The following RBL2 variants were observed in gnomAD, a reference collection of about 807,000 sequenced individuals.
RBL2 encodes retinoblastoma-like protein 2.
A neutral mutation model predicts 126.0 loss-of-function variants in RBL2; 56 were observed. The observed-to-expected ratio is 0.44, with a 90% CI of 0.36 to 0.56. RBL2 has a LOEUF of 0.56. Ranked by LOEUF, RBL2 falls within the 20% of genes least tolerant of loss-of-function variation. The pLI is 0.00. For missense variants in RBL2, 1,229 were observed against 1,398.2 expected (o/e 0.88, Z 1.93); for synonymous variants, 454 against 478.5 (o/e 0.95, Z 0.67).
intron 1 of RBL2, among the ~76,000 whole-genome samples, chr16:53,436,021 G>A (rs1014836599): frequency 6.6e-6 from 1 of 152,278 alleles, no homozygotes; most frequent in East Asian, 1.9e-4. Flanking sequence ...GGCACATAAA[G>A]CACCCATATG....
intron 14 of RBL2, among the ~76,000 whole-genome samples, chr16:53,468,946 T>TAA (rs981332673): frequency 4.6e-5 from 7 of 152,190 alleles, no homozygotes; most frequent in African/African-American, 1.4e-4. Context: ...GTTATATATA[T>TAA]AACCACAATT....
intron 10 of RBL2, among the ~76,000 whole-genome samples, 159 bp downstream of exon 10, chr16:53,462,009 C>T (rs920864571): frequency 1.3e-5 from 2 of 152,162 alleles, no homozygotes; most frequent in African/African-American, 4.8e-5. Flanking sequence ...GATTTCTGAG[C>T]CCTTCTCAGT....
In RBL2 at chr16:53,434,539, G is replaced by C; in HGVS notation, c.-18G>C. Reference sequence around the variant, plus strand: ...GGGCCCTCACCTCACCTGAGGTCCGGCCGCCCAGGGGTGCGCTATGCCGTC... The same window carrying C: ...GGGCCCTCACCTCACCTGAGGTCCGCCCGCCCAGGGGTGCGCTATGCCGTC... On this transcript the variant is annotated 5_prime_UTR_variant, in exon 1 of 22. Transcript: ENST00000262133. 7.0e-7 allele frequency: 1 copy of C among 1,434,086 alleles called. No homozygotes were observed. The highest frequency in any genetic ancestry group is 1.4e-5 in the South Asian group (1 of 69,494). 88.8% of individuals were successfully genotyped at this position (1,434,086 alleles called of 1,614,324 possible).
Position 53,434,598 on chromosome 16 carries a change from CCCT to C in RBL2, c.45_47del (p.Pro16del). On this transcript the variant is annotated inframe_deletion, in exon 1 of 22. Transcript: ENST00000262133. ...ACCAGTCGCCACCGCCCCCGCCTCC[CCCT>C]CCGGCGGCGGCAGCCTCGGATGAGG... 2 of 1,549,818 alleles carry C rather than the reference CCCT, an allele frequency of 1.3e-6. No homozygotes were observed. The highest frequency in any genetic ancestry group is 1.7e-6 in the Non-Finnish European group (2 of 1,157,086).
At chr16:53,443,587 C>G (rs1433099114) in intron 3 of RBL2, among the ~76,000 whole-genome samples, 1 of 152,118 alleles carries the variant, frequency 6.6e-6, no homozygotes, top group African/African-American at 2.4e-5. Context: ...TCTACCTTTC[C>G]TGATAGATAA....
intron 1 of RBL2, chr16:53,435,489 G>A (rs2057949847): frequency 1.0e-6 from 1 of 960,332 alleles, no homozygotes; most frequent in South Asian, 1.7e-5. Flanking sequence ...GTTGCGATCC[G>A]GGTGTGTTAG....
At chr16:53,483,926 T>TAAAAAA (rs77395902) in intron 21 of RBL2, among the ~76,000 whole-genome samples, 1 of 131,010 alleles carries the variant, frequency 7.6e-6, no homozygotes, top group African/African-American at 3.0e-5. Context: ...CCTATCATAG[T>TAAAAAA]AAAAAAAAAA....
At chr16:53,461,402 G>T (rs747685894) in intron 9 of RBL2, among the ~76,000 whole-genome samples, 3 of 152,140 alleles carry the variant, frequency 2.0e-5, no homozygotes, top group East Asian at 3.9e-4. Context: ...TGAGGCAGGA[G>T]AATCACTTGA....
intron 21 of RBL2, among the ~76,000 whole-genome samples, chr16:53,483,886 A>T (rs1961052899): frequency 6.6e-6 from 1 of 152,048 alleles, no homozygotes; most frequent in Non-Finnish European, 1.5e-5. Flanking sequence ...TCCAAAGAAA[A>T]ACAGAAAATG....
chr16:53,475,180 C>A (rs1312050514), intron 17 of RBL2, among the ~76,000 whole-genome samples: 2 of 152,050 alleles, frequency 1.3e-5, no homozygotes, highest in Non-Finnish European at 2.9e-5. Flanking sequence ...TCTTTAAGGT[C>A]AGTAGTAATG....
chr16:53,466,800 T>C (rs920350317), intron 13 of RBL2: 25 of 319,260 alleles, frequency 7.8e-5, no homozygotes, highest in African/African-American at 5.4e-4. Context: ...TGGGGACTCC[T>C]GCTTTAGAGT....
Position 53,434,691 on chromosome 16 carries a change from C to T in RBL2, c.135C>T (p.Ile45=). 6.4e-7 allele frequency: 1 copy of T among 1,572,748 alleles called. No individual in the cohort carries two copies. ...CTGCCGAGTCGCCCACCCCTCAGAT[C>T]CAGCAGCGGTTCGACGAGCTGTGCA... The part of the protein sequence containing the change: ...APPAESPTPQ[I]QQRFDELCSR... Residue 45 remains isoleucine (I), a synonymous_variant, in exon 1 of 22, where the codon ATC becomes ATT. Coordinates refer to ENST00000262133, the MANE Select transcript of RBL2 (RefSeq NM_005611.4).
At chr16:53,487,860 A>G (rs569431543) in intron 21 of RBL2, 1 of 152,358 alleles carries the variant, frequency 6.6e-6, no homozygotes, top group East Asian at 1.9e-4. Context: ...AAAGTGGGCA[A>G]AAGATTTGAA....
At chr16:53,484,686 T>C (rs1404963319) in intron 21 of RBL2, among the ~76,000 whole-genome samples, 2 of 152,174 alleles carry the variant, frequency 1.3e-5, no homozygotes, top group African/African-American at 4.8e-5. Flanking sequence ...TTGTGGGGAA[T>C]AGAGTTTCTG....
intron 18 of RBL2, 177 bp downstream of exon 18, chr16:53,479,402 T>G (rs1960857240): frequency 5.2e-6 from 3 of 581,902 alleles, no homozygotes; most frequent in Non-Finnish European, 3.0e-6. Flanking sequence ...TAAGGTCTCT[T>G]TTCCTCAAAA....
chr16:53,451,889 T>G, intron 5 of RBL2, 58 bp downstream of exon 5: 1 of 1,581,142 alleles, frequency 6.3e-7, no homozygotes. Context: ...ATGTTTACCC[T>G]TGGAGTTGTA....
At chr16:53,453,910 C>A in intron 7 of RBL2, 141 bp downstream of exon 7, 1 of 699,358 alleles carries the variant, frequency 1.4e-6, no homozygotes, top group Non-Finnish European at 2.3e-6. Flanking sequence ...AATTCTGTCA[C>A]CTAAATATAA....
rs760577001 is a variant in RBL2 at position 53,451,720 on chromosome 16, A to G, written c.655A>G (p.Ser219Gly). The G allele has an allele frequency of 6.2e-7, 1 of 1,613,108 alleles. No individual in the cohort carries two copies. The highest frequency in any genetic ancestry group is 1.1e-5 in the South Asian group (1 of 91,004). ...IYAKGNFPMISDDLVNSYHLL... is the reference protein window; with the variant it reads ...IYAKGNFPMIGDDLVNSYHLL... ...TCCTGCAGGTAATTTCCCCATGATT[A>G]GTGATGATTTGGTCAATTCTTATCA... The change falls in exon 5 of 22, where the codon AGT (serine) becomes GGT (glycine). Residue 219 changes from serine (S) to glycine (G), a missense_variant. Physicochemically the swap from Ser to Gly is moderately conservative, Grantham distance 56. Coordinates refer to ENST00000262133, the MANE Select transcript of RBL2 (RefSeq NM_005611.4).
chr16:53,487,032 G>A (rs1961205290), intron 21 of RBL2, among the ~76,000 whole-genome samples: 1 of 152,166 alleles, frequency 6.6e-6, no homozygotes, highest in Admixed American at 6.5e-5. Flanking sequence ...AGCTTGGTGA[G>A]AGAAATTAAA....
Sources: allele counts gnomAD v4.1 joint callset (sites outside exome capture counted in the v4.1 genomes callset), GRCh38; gene constraint gnomAD v4.1.1; transcripts MANE v1.5; gene names NCBI Gene and HGNC (gene_info 2026-07-23, HGNC 2026-07-21).